The following SMCO4 variants were observed in gnomAD, a reference collection of about 807,000 sequenced individuals.
SMCO4 encodes the protein single-pass membrane protein with coiled-coil domains 4, also known as single-pass membrane and coiled-coil domain-containing protein 4.
Under a neutral mutation model 3.6 loss-of-function variants are expected in SMCO4, and 4 were observed. That is an observed-to-expected ratio of 1.11 (90% confidence interval 0.54 to 2.53). The LOEUF (loss-of-function observed/expected upper bound fraction) is 2.53, where lower values mean the gene tolerates loss of function less well. Among genes scored for constraint, SMCO4 ranks in the 30% most tolerant of loss-of-function variants. SMCO4 has a pLI of 0.02. For synonymous variants in SMCO4, 36 were observed against 35.3 expected (o/e 1.02, Z -0.07); for missense variants, 70 against 80.8 (o/e 0.87, Z 0.51).
chr11:93,503,136 C>T (rs745775206), intron 1 of SMCO4, among the ~76,000 whole-genome samples: 1 of 152,128 alleles, frequency 6.6e-6, no homozygotes, highest in Non-Finnish European at 1.5e-5. Flanking sequence ...TGTATCAGTC[C>T]ATTTTCACGC....
intron 1 of SMCO4, among the ~76,000 whole-genome samples, chr11:93,533,180 G>A (rs879043985): frequency 6.6e-6 from 1 of 152,204 alleles, no homozygotes; most frequent in Admixed American, 6.5e-5. Context: ...GCTGCTCCAT[G>A]CAGGAAAAAC....
At chr11:93,537,305 A>G (rs1340894402) in intron 1 of SMCO4, among the ~76,000 whole-genome samples, 1 of 152,192 alleles carries the variant, frequency 6.6e-6, no homozygotes. Context: ...AAGCCCACGC[A>G]TTTGAGTCCC....
intron 1 of SMCO4, among the ~76,000 whole-genome samples, chr11:93,534,303 TACATATATAC>T (rs1304639494): frequency 1.4e-4 from 21 of 147,756 alleles, no homozygotes; most frequent in African/African-American, 2.0e-4. Flanking sequence ...CACATATATA[TACATATATAC>T]ACATATATAC....
chr11:93,530,123 G>A (rs1310033521), intron 1 of SMCO4, among the ~76,000 whole-genome samples: 2 of 152,230 alleles, frequency 1.3e-5, no homozygotes, highest in Non-Finnish European at 2.9e-5. Flanking sequence ...CACATAGCTT[G>A]CACACTGACC....
chr11:93,550,467 C>T, the SMCO4 span, among the ~76,000 whole-genome samples: 1 of 151,992 alleles, frequency 6.6e-6, no homozygotes, highest in Admixed American at 6.6e-5. Context: ...CGAGATCAGC[C>T]TGGGCAACAT....
At chr11:93,521,958 T>C (rs1949061619) in intron 1 of SMCO4, among the ~76,000 whole-genome samples, 1 of 152,226 alleles carries the variant, frequency 6.6e-6, no homozygotes, top group African/African-American at 2.4e-5. Flanking sequence ...AGCCTTACTG[T>C]GTGTCACACA....
chr11:93,517,964 A>G (rs927511258), intron 1 of SMCO4, among the ~76,000 whole-genome samples: 1 of 152,248 alleles, frequency 6.6e-6, no homozygotes, highest in Non-Finnish European at 1.5e-5. Context: ...TGCATATAAC[A>G]TATATCAGAC....
chr11:93,541,450 A>G (rs1949270375), intron 1 of SMCO4, among the ~76,000 whole-genome samples: 1 of 152,192 alleles, frequency 6.6e-6, no homozygotes, highest in Non-Finnish European at 1.5e-5. Context: ...ATAGTTGTAC[A>G]AGGACCCCAG....
intron 1 of SMCO4, among the ~76,000 whole-genome samples, chr11:93,532,289 T>C (rs1056005369): frequency 1.3e-5 from 2 of 152,160 alleles, no homozygotes; most frequent in African/African-American, 4.8e-5. Flanking sequence ...CTAAAAGATA[T>C]CCAGATAGCT....
In SMCO4 at chr11:93,478,997, C is replaced by G; in HGVS notation, c.*13G>C. 2.5e-6 allele frequency: 4 copies of G among 1,591,946 alleles called. No individual in the cohort carries two copies. Among genetic ancestry groups the G allele is most frequent in the Non-Finnish European group, 3.4e-6 (4 of 1,166,996 alleles). ...CTCTCCCTGCCGATGGGGTCCGCAG[C>G]CGGCTGCGGGGCTCACTCGGTGATG... On this transcript the variant is annotated 3_prime_UTR_variant, in exon 3 of 3. Coordinates refer to ENST00000298966, the MANE Select transcript of SMCO4 (RefSeq NM_020179.3).
At chr11:93,531,784 G>A (rs1949165217) in intron 1 of SMCO4, among the ~76,000 whole-genome samples, 1 of 152,218 alleles carries the variant, frequency 6.6e-6, no homozygotes, top group Admixed American at 6.5e-5. Context: ...GAAAAGTCAA[G>A]CTGGGAACTG....
intron 1 of SMCO4, among the ~76,000 whole-genome samples, chr11:93,523,132 G>A (rs1027706187): frequency 6.6e-6 from 1 of 152,162 alleles, no homozygotes; most frequent in African/African-American, 2.4e-5. Flanking sequence ...TCTGTCACTA[G>A]GTGACCAAAA....
chr11:93,501,879 T>A (rs527596830), intron 1 of SMCO4, among the ~76,000 whole-genome samples: 10 of 151,882 alleles, frequency 6.6e-5, no homozygotes, highest in Non-Finnish European at 8.8e-5. Flanking sequence ...TGAACAGCAA[T>A]GGGCCAGATG....
rs58656683 is a variant in SMCO4 at position 93,498,518 on chromosome 11, C to T, written c.-81+758G>A. On this transcript the variant is annotated intron_variant, in intron 2 of 2. Coordinates refer to ENST00000298966, the MANE Select transcript of SMCO4 (RefSeq NM_020179.3). ...CGGAGAAGGGGGCTGGGGAGCTGTG[C>T]TCCAGTGACCACTGGCATCCAGCTC... is the stretch of plus-strand genomic sequence containing the variant. Among the ~76,000 whole-genome samples the T allele has an allele frequency of 1.5e-4, 23 of 152,360 alleles. No homozygotes were observed. In the East Asian group the frequency reaches 4.4e-3, roughly 29 times the overall value.
intron 2 of SMCO4, chr11:93,481,401 A>G: frequency 1.0e-6 from 1 of 984,862 alleles, no homozygotes; most frequent in Non-Finnish European, 1.2e-6. Flanking sequence ...AGCTCCTCTA[A>G]GCCTGACTGC....
At chr11:93,479,455 C>T (rs1034993234) in intron 2 of SMCO4, among the ~76,000 whole-genome samples, 186 bp from the exon 3 acceptor site, 2 of 152,202 alleles carry the variant, frequency 1.3e-5, no homozygotes, top group Non-Finnish European at 2.9e-5. Context: ...ACTGGGTCAC[C>T]GGTGTGCTGT....
At chr11:93,514,284 T>C (rs1307582160) in intron 1 of SMCO4, among the ~76,000 whole-genome samples, 2 of 150,686 alleles carry the variant, frequency 1.3e-5, no homozygotes, top group Non-Finnish European at 1.5e-5. Flanking sequence ...GAATGGGCAA[T>C]TGGCATGGGT....
At chr11:93,524,035 G>T (rs180765646) in intron 1 of SMCO4, among the ~76,000 whole-genome samples, 1 of 152,172 alleles carries the variant, frequency 6.6e-6, no homozygotes, top group Non-Finnish European at 1.5e-5. Context: ...ATGCCCTTCA[G>T]GGGAGGGGAG....
upstream of SMCO4, among the ~76,000 whole-genome samples, chr11:93,545,533 AGCTGAGATCATGCCACT>A (rs1949309206): frequency 7.3e-6 from 1 of 137,638 alleles, no homozygotes; most frequent in Non-Finnish European, 1.5e-5. Flanking sequence ...GGTTGTAGTG[AGCTGAGATCATGCCACT>A]GCACTCCAGC....
Sources: allele counts gnomAD v4.1 joint callset (sites outside exome capture counted in the v4.1 genomes callset), GRCh38; gene constraint gnomAD v4.1.1; transcripts MANE v1.5; gene names NCBI Gene and HGNC (gene_info 2026-07-23, HGNC 2026-07-21).